TSEN15: variants seen among roughly 807,000 people sequenced by gnomAD.
TSEN15 encodes tRNA-splicing endonuclease subunit Sen15.
In TSEN15, 10 loss-of-function variants were observed where a neutral mutation model predicts 20.5. The ratio of observed to expected loss-of-function variants is 0.49; its 90% CI spans 0.30 to 0.83. TSEN15 has a LOEUF of 0.83. Among genes scored for constraint, TSEN15 ranks in the 40% least tolerant of loss-of-function variants. The pLI is 0.06. For missense variants in TSEN15, 180 were observed against 218.6 expected, an observed-to-expected ratio of 0.82 and a Z score of 1.11; for synonymous variants, 72 against 80.1, an observed-to-expected ratio of 0.90 and a Z score of 0.54.
intron 3 of TSEN15, among the ~76,000 whole-genome samples, chr1:184,092,151 T>C (rs1651371579): frequency 6.6e-6 from 1 of 152,232 alleles, no homozygotes; most frequent in Non-Finnish European, 1.5e-5. Context: ...CAGCAAGGTA[T>C]AACCAGACAG....
intron 3 of TSEN15, among the ~76,000 whole-genome samples, chr1:184,081,125 T>C (rs745775043): frequency 1.3e-5 from 2 of 152,206 alleles, no homozygotes; most frequent in Non-Finnish European, 1.5e-5. Context: ...AGTTTGTGGA[T>C]TGATACCTGT....
chr1:184,069,791 T>G (rs1013961116), intron 3 of TSEN15, among the ~76,000 whole-genome samples: 3 of 152,064 alleles, frequency 2.0e-5, no homozygotes, highest in Non-Finnish European at 4.4e-5. Context: ...GGCTTTGCTT[T>G]AAACATACTT....
chr1:184,091,074 G>A (rs374701695), intron 3 of TSEN15, among the ~76,000 whole-genome samples: 7 of 152,234 alleles, frequency 4.6e-5, no homozygotes, highest in South Asian at 4.1e-4. Context: ...TTACGGAAAC[G>A]TCATCCTCTA....
At chr1:184,054,224 T>C (rs1650157886) in intron 1 of TSEN15, 130 bp from the exon 2 acceptor site, 2 of 557,846 alleles carry the variant, frequency 3.6e-6, no homozygotes, top group South Asian at 3.0e-5. Flanking sequence ...AGATCTTATA[T>C]TGCCTTTTAA....
Position 184,067,955 on chromosome 1 carries a change from T to C in TSEN15, c.354-4202T>C, listed in dbSNP as rs1264545422. Among the ~76,000 whole-genome samples the C allele has an allele frequency of 7.6e-4, 107 of 139,934 alleles. 2 individuals are homozygous for C. The highest frequency in any genetic ancestry group is 2.7e-3 in the African/African-American group (102 of 37,332). 91.8% of individuals were successfully genotyped at this position (139,934 alleles called of 152,430 possible). On this transcript the variant is annotated intron_variant, in intron 3 of 4. Coordinates refer to ENST00000645668, the MANE Select transcript of TSEN15 (RefSeq NM_052965.4). The stretch of plus-strand genomic sequence containing the variant: ...AAAAAAAAAAAAATATATATATATA[T>C]ATATATATATATATATGTACATATG...
intron 3 of TSEN15, among the ~76,000 whole-genome samples, chr1:184,056,710 C>G (rs1327146): frequency 0.018 from 2,743 of 152,226 alleles, 66 homozygotes; most frequent in African/African-American, 0.055. Flanking sequence ...TGGATAACCA[C>G]TTTTTCTACC....
In TSEN15 at chr1:184,074,188, T is replaced by A. The variant is rs1020304083; in HGVS notation, c.*1341T>A. 2.6e-5 allele frequency: 4 copies of A among 152,214 alleles called. No individual in the cohort carries two copies. Among genetic ancestry groups the A allele is most frequent in the African/African-American group, 9.6e-5 (4 of 41,462 alleles). 9.4% of individuals were successfully genotyped at this position (152,214 alleles called of 1,614,324 possible). ...TCTCAATGTTTTTATTTGTATTTTATAATAAAAATGTTTTAAAATTAAAAG... is the reference window on the plus strand; with the variant it reads ...TCTCAATGTTTTTATTTGTATTTTAAAATAAAAATGTTTTAAAATTAAAAG... On this transcript the variant is annotated 3_prime_UTR_variant, in exon 5 of 5. Coordinates refer to ENST00000645668, the MANE Select transcript of TSEN15 (RefSeq NM_052965.4).
chr1:184,061,387 C>T lies in TSEN15; in HGVS notation c.353+6524C>T, dbSNP rs138978373. On this transcript the variant is annotated intron_variant, in intron 3 of 4. Transcript: ENST00000645668. ...TAGTAGGAGAGTTGGGTAGCATACA[C>T]AGCTGTAGAGCCAGAGGAGTTGGCA... is the stretch of plus-strand genomic sequence containing the variant. Among the ~76,000 whole-genome samples the T allele has an allele frequency of 3.1e-3, 469 of 152,236 alleles. 2 individuals are homozygous for T. The highest frequency in any genetic ancestry group is 7.3e-3 in the African/African-American group (305 of 41,552).
intron 3 of TSEN15, among the ~76,000 whole-genome samples, chr1:184,085,243 A>G (rs1158643383): frequency 2.6e-5 from 4 of 152,212 alleles, no homozygotes; most frequent in Non-Finnish European, 5.9e-5. Context: ...GGGATATGGC[A>G]AGGAGCCTTC....
chr1:184,060,959 G>A (rs187484532), intron 3 of TSEN15, among the ~76,000 whole-genome samples: 16 of 152,146 alleles, frequency 1.1e-4, no homozygotes, highest in African/African-American at 3.4e-4. Flanking sequence ...ACTTTTCTAG[G>A]CACCCCACAA....
intron 3 of TSEN15, 95 bp from the exon 4 acceptor site, chr1:184,072,062 G>T (rs1650902724): frequency 2.4e-6 from 3 of 1,271,528 alleles, no homozygotes; most frequent in South Asian, 1.7e-5. Context: ...TTGGTTTCTT[G>T]TGACCTGTTT....
At chr1:184,055,023 C>G in intron 3 of TSEN15, 160 bp downstream of exon 3, 1 of 725,828 alleles carries the variant, frequency 1.4e-6, no homozygotes, top group Non-Finnish European at 2.1e-6. Context: ...TGTATTCGGC[C>G]ATTCTTGCAT....
chr1:184,070,658 A>G (rs1022495024), intron 3 of TSEN15: 131 of 1,290,460 alleles, frequency 1.0e-4, no homozygotes, highest in Non-Finnish European at 1.3e-4. Context: ...ACTTAGCTAC[A>G]TTAAAAGATT....
intron 3 of TSEN15, among the ~76,000 whole-genome samples, chr1:184,092,026 G>A (rs1175393779): frequency 1.3e-5 from 2 of 152,186 alleles, no homozygotes; most frequent in Admixed American, 6.5e-5. Flanking sequence ...GGAGACCTGT[G>A]GAAGAGATGG....
intron 3 of TSEN15, chr1:184,095,678 T>C: frequency 2.5e-6 from 1 of 398,156 alleles, no homozygotes; most frequent in East Asian, 3.6e-5. Flanking sequence ...TGTGTCTCTC[T>C]CTCTTTCCCA....
At chr1:184,060,251 G>T (rs1439222701) in intron 3 of TSEN15, among the ~76,000 whole-genome samples, 1 of 152,234 alleles carries the variant, frequency 6.6e-6, no homozygotes, top group Admixed American at 6.5e-5. Flanking sequence ...ACTACAGCTA[G>T]CACTTAGAGA....
At chr1:184,061,875 T>C (rs1650469386) in intron 3 of TSEN15, among the ~76,000 whole-genome samples, 1 of 152,176 alleles carries the variant, frequency 6.6e-6, no homozygotes, top group Non-Finnish European at 1.5e-5. Flanking sequence ...AGGGTGAATG[T>C]GTATTTGAAT....
intron 3 of TSEN15, among the ~76,000 whole-genome samples, chr1:184,063,828 A>G (rs1036130532): frequency 1.3e-5 from 2 of 152,114 alleles, no homozygotes; most frequent in Non-Finnish European, 2.9e-5. Context: ...CTAATATTTT[A>G]AAACCCCGAG....
chr1:184,083,228 G>A (rs1340912526), intron 3 of TSEN15, among the ~76,000 whole-genome samples: 4 of 152,058 alleles, frequency 2.6e-5, no homozygotes, highest in African/African-American at 4.8e-5. Context: ...TTTCTGCCCT[G>A]TCCACTTTGT....
Sources: gnomAD v4.1 joint callset for allele counts (sites outside exome capture counted in the v4.1 genomes callset) on GRCh38, gnomAD v4.1.1 for gene constraint, MANE v1.5 for transcripts, NCBI Gene and HGNC (gene_info 2026-07-23, HGNC 2026-07-21) for gene names.